CFAP54: variants seen among roughly 807,000 people sequenced by gnomAD.
CFAP54 encodes cilia and flagella associated protein 54, also known as cilia- and flagella-associated protein 54.
CFAP54 carries 290 observed loss-of-function variants against 370.4 expected under a neutral mutation model. The ratio of observed to expected loss-of-function variants is 0.78; its 90% CI spans 0.71 to 0.86. The LOEUF (loss-of-function observed/expected upper bound fraction) is 0.86. CFAP54 is among the 40% of genes least tolerant of loss of function. The pLI, the probability that CFAP54 is intolerant of heterozygous loss-of-function variation, is 0.00. For missense variants in CFAP54, 3,399 were observed against 3,528.7 expected, an observed-to-expected ratio of 0.96 and a Z score of 0.93; for synonymous variants, 1,206 against 1,236.5, an observed-to-expected ratio of 0.98 and a Z score of 0.52.
chr12:96,765,531 C>T (rs1470323002), intron 60 of CFAP54, among the ~76,000 whole-genome samples: 1 of 152,180 alleles, frequency 6.6e-6, no homozygotes, highest in East Asian at 1.9e-4. Flanking sequence ...CTCTCTGATC[C>T]TTTCATCCAA....
chr12:96,501,048 G>GA, intron 2 of CFAP54, 109 bp downstream of exon 2: 1 of 604,580 alleles, frequency 1.7e-6, no homozygotes, highest in Non-Finnish European at 2.6e-6. Context: ...TTTTCTCTTA[G>GA]AAAAAAATAA....
At chr12:96,528,905 T>A in intron 9 of CFAP54, among the ~76,000 whole-genome samples, 1 of 152,220 alleles carries the variant, frequency 6.6e-6, no homozygotes, top group African/African-American at 2.4e-5. Flanking sequence ...TTACATTAAA[T>A]GCATATTAAG....
chr12:96,681,419 T>C (rs914493161), intron 40 of CFAP54, among the ~76,000 whole-genome samples: 1 of 151,720 alleles, frequency 6.6e-6, no homozygotes, highest in African/African-American at 2.4e-5. Context: ...GTGTTGCTTC[T>C]ATCCCAGAGG....
intron 51 of CFAP54, among the ~76,000 whole-genome samples, chr12:96,741,293 A>G (rs1367493252): frequency 6.6e-6 from 1 of 152,066 alleles, no homozygotes; most frequent in Non-Finnish European, 1.5e-5. Context: ...CAGCCTCCTG[A>G]GTAGCTGGGA....
At chr12:96,561,745 ACATG>A (rs1847581419) in intron 17 of CFAP54, among the ~76,000 whole-genome samples, 1 of 132,880 alleles carries the variant, frequency 7.5e-6, no homozygotes, top group Admixed American at 7.8e-5. Flanking sequence ...ACACACACAC[ACATG>A]TATATATATT....
intron 53 of CFAP54, 39 bp from the exon 54 acceptor site, chr12:96,743,692 G>T: frequency 6.4e-7 from 1 of 1,558,670 alleles, no homozygotes; most frequent in Non-Finnish European, 8.7e-7. Context: ...CAGTGAATTG[G>T]AAACAGTACT....
At chr12:96,788,191 A>G (rs1958647995) in intron 62 of CFAP54, among the ~76,000 whole-genome samples, 1 of 152,210 alleles carries the variant, frequency 6.6e-6, no homozygotes, top group African/African-American at 2.4e-5. Context: ...TTGGAGCTGG[A>G]AAGTGAAGAG....
At chr12:96,745,422 T>C (rs926075463) in intron 55 of CFAP54, among the ~76,000 whole-genome samples, 2 of 152,358 alleles carry the variant, frequency 1.3e-5, no homozygotes, top group African/African-American at 4.8e-5. Flanking sequence ...TTGATTTGGA[T>C]TTCTCTAATG....
intron 60 of CFAP54, among the ~76,000 whole-genome samples, chr12:96,769,799 GC>G (rs965102327): frequency 5.3e-5 from 8 of 152,202 alleles, no homozygotes; most frequent in South Asian, 2.1e-4. Flanking sequence ...CCCTACTTTG[GC>G]CTATCCTTGA....
intron 26 of CFAP54, among the ~76,000 whole-genome samples, chr12:96,608,177 G>A (rs545925610): frequency 6.6e-6 from 1 of 152,066 alleles, no homozygotes; most frequent in Non-Finnish European, 1.5e-5. Context: ...TTAAAGAGAA[G>A]AGTCATTCTT....
In CFAP54 at chr12:96,623,802, A is replaced by G; in HGVS notation, c.3807A>G (p.Pro1269=). The G allele has an allele frequency of 1.3e-6, 2 of 1,535,434 alleles. No individual in the cohort carries two copies. The highest frequency in any genetic ancestry group is 1.7e-6 in the Non-Finnish European group (2 of 1,146,402). ...AGAAGTCTTTAAAGACTAAGAAGCC[A>G]CAGCAGATACTACTGCCTGAAAAGA... The part of the protein sequence containing the change: ...SSKKSLKTKK[P]QQILLPEKIN... Residue 1269 remains proline, a synonymous_variant, in exon 28 of 68, where the codon CCA becomes CCG. Transcript: ENST00000524981.
intron 64 of CFAP54, among the ~76,000 whole-genome samples, chr12:96,812,415 G>A (rs570362028): frequency 2.6e-5 from 4 of 152,070 alleles, no homozygotes; most frequent in South Asian, 4.2e-4. Flanking sequence ...CTCATGCCTC[G>A]TTTCTCTCTT....
At position 96,847,218 on chromosome 12, in the gene CFAP54, C is replaced by T. The variant is rs187710589; in HGVS notation, c.9172-13601C>T. ...CAGAGCACAGGGAAGGGGCAAGAAG[C>T]AGCCATGCCCTCTCCCAGTGAGCCG... On this transcript the variant is annotated intron_variant, in intron 66 of 67. Coordinates refer to ENST00000524981, the MANE Select transcript of CFAP54 (RefSeq NM_001306084.2). Among the ~76,000 whole-genome samples, 44 of 152,258 alleles carry T rather than the reference C, an allele frequency of 2.9e-4. No homozygotes were observed. The East Asian group carries it at 7.1e-3, about 25-fold the overall frequency.
chr12:96,489,751 C>T lies in CFAP54; in HGVS notation c.142C>T (p.Gln48Ter), dbSNP rs1303434220. 4 of 1,536,054 alleles carry T rather than the reference C, an allele frequency of 2.6e-6. No homozygotes were observed. The Admixed American group carries it at 7.8e-5, about 30-fold the overall frequency. Residue 48 changes from glutamine (Q) to a stop codon, truncating the protein, a stop_gained, in exon 1 of 68, where the codon CAG (glutamine) becomes TAG (stop). Transcript: ENST00000524981. LOFTEE classifies it high-confidence loss of function. ...SKGSSRSSLL[Q>*]WTCPEDSLPL... ...GGGGAGCTCCCGGAGCTCGCTGCTT[C>T]AGTGGACCTGCCCCGAGGACTCATT...
intron 50 of CFAP54, among the ~76,000 whole-genome samples, chr12:96,721,159 A>G (rs1957748382): frequency 6.6e-6 from 1 of 152,246 alleles, no homozygotes; most frequent in South Asian, 2.1e-4. Flanking sequence ...TTTTAAAAAG[A>G]CTAAACCTTT....
chr12:96,780,274 G>A (rs1259341421), intron 60 of CFAP54, among the ~76,000 whole-genome samples: 2 of 152,106 alleles, frequency 1.3e-5, no homozygotes, highest in Admixed American at 6.6e-5. Flanking sequence ...AAATCATAAA[G>A]GTACCTTCTA....
chr12:96,765,569 ATG>A, intron 60 of CFAP54, among the ~76,000 whole-genome samples: 1 of 152,276 alleles, frequency 6.6e-6, no homozygotes, highest in South Asian at 2.1e-4. Context: ...CCACTCTGAT[ATG>A]CCTCCCTCTT....
chr12:96,718,805 G>A (rs1012439978), intron 49 of CFAP54, among the ~76,000 whole-genome samples: 3 of 152,206 alleles, frequency 2.0e-5, no homozygotes, highest in Admixed American at 6.5e-5. Context: ...TTGGGAGGCC[G>A]AGGTGGGCGG....
chr12:96,634,097 C>T, intron 32 of CFAP54, among the ~76,000 whole-genome samples: 1 of 118,088 alleles, frequency 8.5e-6, no homozygotes, highest in South Asian at 2.9e-4. Context: ...ACTCTGTTGC[C>T]CAGGCTGGAG....
Sources: gnomAD v4.1 joint callset for allele counts (sites outside exome capture counted in the v4.1 genomes callset) on GRCh38, gnomAD v4.1.1 for gene constraint, MANE v1.5 for transcripts, NCBI Gene and HGNC (gene_info 2026-07-23, HGNC 2026-07-21) for gene names.